The following PPP2R5C variants were observed in gnomAD, a reference collection of about 807,000 sequenced individuals.
PPP2R5C encodes the protein protein phosphatase 2 regulatory subunit B'gamma.
Under a neutral mutation model 68.9 loss-of-function variants are expected in PPP2R5C, and 7 were observed. That is an observed-to-expected ratio of 0.10 (90% CI 0.06 to 0.19). The LOEUF (loss-of-function observed/expected upper bound fraction) is 0.19, where lower values mean the gene tolerates loss of function less well. PPP2R5C is among the 10% of genes least tolerant of loss of function. The pLI is 1.00. For missense variants in PPP2R5C, 348 were observed against 641.3 expected, an observed-to-expected ratio of 0.54 and a Z score of 4.94; for synonymous variants, 210 against 222.2, an observed-to-expected ratio of 0.95 and a Z score of 0.49.
intron 3 of PPP2R5C, chr14:101,797,000 C>A (rs1213095959): frequency 2.7e-6 from 1 of 369,016 alleles, no homozygotes; most frequent in South Asian, 2.0e-5. Context: ...GTATTAGATA[C>A]ATTCAAAATG....
At chr14:101,812,663 G>A (rs1274263122) in intron 1 of PPP2R5C, among the ~76,000 whole-genome samples, 1 of 152,208 alleles carries the variant, frequency 6.6e-6, no homozygotes, top group Non-Finnish European at 1.5e-5. Context: ...TGGCTCGGTA[G>A]CCTCTTTTTG....
At chr14:101,818,932 A>G (rs571218091) in intron 1 of PPP2R5C, 24 of 1,310,392 alleles carry the variant, frequency 1.8e-5, no homozygotes, top group African/African-American at 3.0e-5. Flanking sequence ...CTCATGAGCA[A>G]TGTGTTCTAA....
intron 1 of PPP2R5C, among the ~76,000 whole-genome samples, chr14:101,852,769 G>A (rs1039908073): frequency 3.3e-5 from 5 of 151,994 alleles, no homozygotes; most frequent in Admixed American, 1.3e-4. Context: ...ACCGCGCCTG[G>A]CCAGAATAGC....
intron 1 of PPP2R5C, chr14:101,839,119 G>A (rs1175181250): frequency 6.6e-6 from 1 of 151,580 alleles, no homozygotes; most frequent in East Asian, 1.9e-4. Flanking sequence ...GGGAGGCTGA[G>A]GCAGGTGGAT....
chr14:101,922,722 G>C (rs1173127886), intron 13 of PPP2R5C, among the ~76,000 whole-genome samples: 1 of 151,828 alleles, frequency 6.6e-6, no homozygotes, highest in African/African-American at 2.4e-5. Flanking sequence ...GGAGACTGAG[G>C]CAGGAGGATC....
At chr14:101,761,861 G>A (rs2036558377), upstream of PPP2R5C, 1 of 1,100,384 alleles carries the variant, frequency 9.1e-7, no homozygotes, top group Non-Finnish European at 1.1e-6. Flanking sequence ...GCGGCGGCAG[G>A]GGCGGCGGCG....
chr14:101,832,071 CTGTA>C (rs766462011), intron 1 of PPP2R5C, among the ~76,000 whole-genome samples: 8 of 152,190 alleles, frequency 5.3e-5, no homozygotes, highest in Non-Finnish European at 1.0e-4. Context: ...AGCAAGTGGT[CTGTA>C]TGTCCTCATA....
intron 2 of PPP2R5C, among the ~76,000 whole-genome samples, chr14:101,772,218 T>C (rs1566824163): frequency 6.6e-6 from 1 of 152,064 alleles, no homozygotes; most frequent in Non-Finnish European, 1.5e-5. Flanking sequence ...AAGACTTATA[T>C]TGGCAAAAGA....
In PPP2R5C at chr14:101,840,682, G is replaced by C. The variant is rs140001452; in HGVS notation, c.95-16004G>C. On this transcript the variant is annotated intron_variant, in intron 1 of 13. Coordinates refer to ENST00000334743, the Ensembl canonical transcript of PPP2R5C. ...AGTAATTGGATTTGGGGTTCATTCA[G>C]CCTCTTTCAACCAACATTTAAGTAG... Among the ~76,000 whole-genome samples the C allele has an allele frequency of 3.1e-3, 473 of 152,204 alleles. 4 individuals are homozygous for C. Among genetic ancestry groups the C allele is most frequent in the African/African-American group, 0.011 (455 of 41,498 alleles).
At chr14:101,889,614 C>T (rs1243702171) in intron 5 of PPP2R5C, among the ~76,000 whole-genome samples, 6 of 152,140 alleles carry the variant, frequency 3.9e-5, no homozygotes, top group Non-Finnish European at 8.8e-5. Flanking sequence ...TAGAAGCAGG[C>T]GCAGTGGACA....
intron 1 of PPP2R5C, among the ~76,000 whole-genome samples, chr14:101,823,247 G>A (rs912758174): frequency 2.6e-5 from 4 of 152,266 alleles, no homozygotes; most frequent in South Asian, 2.1e-4. Context: ...ACTAAGACAC[G>A]CTGCCGATGT....
upstream of PPP2R5C, chr14:101,761,680 C>T (rs2036540904): frequency 1.4e-5 from 3 of 221,956 alleles, no homozygotes; most frequent in Non-Finnish European, 2.2e-5. Context: ...CGGAGAGACG[C>T]CGCCGCTGCC....
intron 1 of PPP2R5C, among the ~76,000 whole-genome samples, chr14:101,833,204 C>T (rs2040860458): frequency 6.6e-6 from 1 of 152,194 alleles, no homozygotes; most frequent in African/African-American, 2.4e-5. Context: ...GGAGTGTGGT[C>T]CAGGAAAAAC....
Position 101,819,201 on chromosome 14 carries a change from C to T in PPP2R5C, c.94+9165C>T. 4 of 886,472 alleles carry T rather than the reference C, an allele frequency of 4.5e-6. No homozygotes were observed. In the South Asian group the frequency reaches 6.3e-5, roughly 14 times the overall value. The allele number at this position is 886,472 out of a possible 1,614,324, so 54.9% of individuals were successfully genotyped here. On this transcript the variant is annotated intron_variant, in intron 1 of 13. Coordinates refer to ENST00000334743, the Ensembl canonical transcript of PPP2R5C. ...TTTTTCCCAGCTTTATGTAATTGGTCAGACTTCTCAAAGGGGGGTAGCACT... is the reference window on the plus strand; with the variant it reads ...TTTTTCCCAGCTTTATGTAATTGGTTAGACTTCTCAAAGGGGGGTAGCACT...
chr14:101,765,194 CCACTGAAAA>C, intron 2 of PPP2R5C: 1 of 702,756 alleles, frequency 1.4e-6, no homozygotes, highest in East Asian at 2.7e-5. Flanking sequence ...CTTGAAATTA[CCACTGAAAA>C]CACTGAAATG....
intron 1 of PPP2R5C, among the ~76,000 whole-genome samples, chr14:101,814,264 C>T (rs1175988503): frequency 6.6e-6 from 1 of 152,206 alleles, no homozygotes; most frequent in Non-Finnish European, 1.5e-5. Flanking sequence ...CATCTCTTTA[C>T]TATGTAACTG....
At chr14:101,909,551 T>C in intron 10 of PPP2R5C, 38 bp from the exon 13 acceptor site, 2 of 1,430,640 alleles carry the variant, frequency 1.4e-6, no homozygotes, top group Non-Finnish European at 2.0e-6. Context: ...TCAGCAGGAA[T>C]GCGTGCTCCC....
At chr14:101,919,282 G>A (rs2046879701) in intron 13 of PPP2R5C, among the ~76,000 whole-genome samples, 1 of 152,176 alleles carries the variant, frequency 6.6e-6, no homozygotes, top group Non-Finnish European at 1.5e-5. Flanking sequence ...ATCAAAGCCT[G>A]AAAATACTAG....
intron 10 of PPP2R5C, among the ~76,000 whole-genome samples, chr14:101,907,215 G>A (rs114712868): frequency 0.021 from 3,229 of 151,726 alleles, 71 homozygotes; most frequent in African/African-American, 0.052. Context: ...ATGTCCCCCC[G>A]GCTGGAGTGT....
Sources: allele counts gnomAD v4.1 joint callset (sites outside exome capture counted in the v4.1 genomes callset), GRCh38; gene constraint gnomAD v4.1.1; transcripts MANE v1.5; gene names NCBI Gene and HGNC (gene_info 2026-07-23, HGNC 2026-07-21).